Variants in S100A10 observed in about 807,000 individuals in gnomAD.
The protein encoded by S100A10 is protein S100-A10.
In S100A10, 3 loss-of-function variants were observed where a neutral mutation model predicts 7.1. That is an observed-to-expected ratio of 0.42 (90% CI 0.19 to 1.10). S100A10 has a LOEUF of 1.10. S100A10 is among the 50% of genes least tolerant of loss of function. The pLI is 0.29. For missense variants in S100A10, 101 were observed against 118.1 expected (o/e 0.86, Z 0.67); for synonymous variants, 41 against 39.3 (o/e 1.04, Z -0.16).
intron 1 of S100A10, among the ~76,000 whole-genome samples, chr1:151,986,599 T>A (rs1461378608): frequency 6.6e-6 from 1 of 152,230 alleles, no homozygotes; most frequent in Non-Finnish European, 1.5e-5. Flanking sequence ...CTCCTCAACA[T>A]CACTCAAATG....
chr1:151,990,075 A>G lies in S100A10; in HGVS notation c.-22+3677T>C, dbSNP rs543793102. The stretch of plus-strand genomic sequence containing the variant: ...TGTTATGTGCATAAATGAACCACAC[A>G]ATCCCTTGGGCAGTAGCTGAGGTGC... On this transcript the variant is annotated intron_variant, in intron 1 of 2. Transcript: ENST00000368811. Among the ~76,000 whole-genome samples the G allele has an allele frequency of 1.6e-4, 24 of 152,296 alleles. No individual in the cohort carries two copies. In the East Asian group the frequency reaches 4.4e-3, roughly 28 times the overall value.
chr1:151,990,553 A>C (rs963693020), intron 1 of S100A10, among the ~76,000 whole-genome samples: 1 of 152,344 alleles, frequency 6.6e-6, no homozygotes, highest in South Asian at 2.1e-4. Context: ...TTCTCTATGG[A>C]AAACAATTCT....
chr1:151,993,766 G>T lies in S100A10; in HGVS notation c.-36C>A. The T allele has an allele frequency of 6.4e-6, 1 of 155,368 alleles. No homozygotes were observed. Among genetic ancestry groups the T allele is most frequent in the South Asian group, 1.8e-4 (1 of 5,460 alleles). 9.6% of individuals were successfully genotyped at this position (155,368 alleles called of 1,614,324 possible). ...GCGGAGCTCACCTTGGCCGAGGCGC[G>T]GCGGACGCTGGGCGAGCTGGGCGAG... On this transcript the variant is annotated 5_prime_UTR_variant, in exon 1 of 3. Transcript: ENST00000368811. The surrounding 1 kb of genome is among the most constrained non-coding windows in gnomAD (Gnocchi z 5.1).
At chr1:151,991,284 T>C (rs1223597084) in intron 1 of S100A10, among the ~76,000 whole-genome samples, 7 of 152,210 alleles carry the variant, frequency 4.6e-5, no homozygotes, top group African/African-American at 1.7e-4. Flanking sequence ...TGGATCTGGA[T>C]CCAGGCTGTC....
Position 151,983,072 on chromosome 1 carries a change from A to G in S100A10, c.*91T>C, listed in dbSNP as rs1022041977. On this transcript the variant is annotated 3_prime_UTR_variant, in exon 3 of 3. Coordinates refer to ENST00000368811, the MANE Select transcript of S100A10 (RefSeq NM_002966.3). ...GCTAAGTGTCCTGATCTGCTCATGA[A>G]ATCCTTCTATGGGGGAAGCTGTGGG... 1.2e-6 allele frequency: 1 copy of G among 867,230 alleles called. No homozygotes were observed. The highest frequency in any genetic ancestry group is 1.7e-6 in the Non-Finnish European group (1 of 598,350). 53.7% of individuals were successfully genotyped at this position (867,230 alleles called of 1,614,324 possible). A position where few individuals can be genotyped will look rare whatever the true frequency, so the allele number is the denominator to read the frequency against.
intron 2 of S100A10, chr1:151,983,929 T>C (rs1379775313): frequency 7.1e-6 from 1 of 141,576 alleles, no homozygotes; most frequent in East Asian, 1.9e-4. Context: ...TGCCATCCTA[T>C]ACTCTTCACT....
At chr1:151,990,081 T>G (rs899723761) in intron 1 of S100A10, among the ~76,000 whole-genome samples, 1 of 152,210 alleles carries the variant, frequency 6.6e-6, no homozygotes, top group Non-Finnish European at 1.5e-5. Flanking sequence ...ACACAATCCC[T>G]TGGGCAGTAG....
At chr1:151,987,155 C>A (rs1180519983) in intron 1 of S100A10, among the ~76,000 whole-genome samples, 1 of 151,224 alleles carries the variant, frequency 6.6e-6, no homozygotes, top group African/African-American at 2.4e-5. Context: ...CAGGCGTCCG[C>A]CACCATGTCC....
At chr1:151,991,001 C>A (rs994730462) in intron 1 of S100A10, among the ~76,000 whole-genome samples, 1 of 152,134 alleles carries the variant, frequency 6.6e-6, no homozygotes, top group African/African-American at 2.4e-5. Context: ...TGGACCTATG[C>A]CCAGATCCCG....
Position 151,986,132 on chromosome 1 carries a change from T to A in S100A10, c.99A>T (p.Val33=), listed in dbSNP as rs575623059. The change falls in exon 2 of 3, where the codon GTA becomes GTT. Residue 33 remains valine, a synonymous_variant. Transcript: ENST00000368811. ...ATCCAGGGAACTCCTTTTCCATGAGTACTCTCAGGTCCTCCTTTGTTAAGT... is the reference window on the plus strand; with the variant it reads ...ATCCAGGGAACTCCTTTTCCATGAGAACTCTCAGGTCCTCCTTTGTTAAGT... ...KGYLTKEDLR[V]LMEKEFPGFL... is the part of the protein sequence containing the mutation. The A allele has an allele frequency of 1.0e-4, 167 of 1,603,778 alleles. No homozygotes were observed. The highest frequency in any genetic ancestry group is 9.0e-4 in the South Asian group (80 of 88,558).
chr1:151,988,620 C>T (rs1444694854), intron 1 of S100A10, among the ~76,000 whole-genome samples: 1 of 152,220 alleles, frequency 6.6e-6, no homozygotes, highest in Non-Finnish European at 1.5e-5. Flanking sequence ...CATGAGTCAT[C>T]TGAAAGGCAG....
intron 2 of S100A10, among the ~76,000 whole-genome samples, chr1:151,984,552 C>A (rs998332154): frequency 1.3e-5 from 2 of 152,172 alleles, no homozygotes; most frequent in African/African-American, 4.8e-5. Context: ...GAATAAATTA[C>A]CCTGCCATGG....
At chr1:151,989,882 T>C (rs1482002307) in intron 1 of S100A10, among the ~76,000 whole-genome samples, 1 of 152,196 alleles carries the variant, frequency 6.6e-6, no homozygotes, top group Non-Finnish European at 1.5e-5. Flanking sequence ...AGGAGGGCCT[T>C]GGGGCTGGGG....
intron 1 of S100A10, among the ~76,000 whole-genome samples, chr1:151,988,784 CAG>C (rs981227904): frequency 1.3e-5 from 2 of 152,116 alleles, no homozygotes; most frequent in Non-Finnish European, 2.9e-5. Context: ...AGTGGGCTTA[CAG>C]AGAGTCTGCC....
rs908670776 is a variant in S100A10, at chr1:151,993,580, C to T, written c.-22+172G>A. ...CGGGCCGGGGAGGGGCGCTGCTGGCCTCGTTTGGGTGTGGCCCGGAGCACT... is the reference window on the plus strand; with the variant it reads ...CGGGCCGGGGAGGGGCGCTGCTGGCTTCGTTTGGGTGTGGCCCGGAGCACT... On this transcript the variant is annotated intron_variant, in intron 1 of 2. Coordinates refer to ENST00000368811, the MANE Select transcript of S100A10 (RefSeq NM_002966.3). This position sits in a 1 kb window ranked among gnomAD's most constrained non-coding sequence, Gnocchi z 5.1. 6.6e-6 allele frequency among the ~76,000 whole-genome samples: 1 copy of T among 152,286 alleles called. No individual in the cohort carries two copies. The highest frequency in any genetic ancestry group is 2.4e-5 in the African/African-American group (1 of 41,564).
At chr1:151,989,725 G>A (rs979476222) in intron 1 of S100A10, among the ~76,000 whole-genome samples, 3 of 152,222 alleles carry the variant, frequency 2.0e-5, no homozygotes, top group Non-Finnish European at 4.4e-5. Flanking sequence ...GCTTGCCTGG[G>A]CAGGGCTGTC....
At chr1:151,992,804 G>C (rs1246611643) in intron 1 of S100A10, among the ~76,000 whole-genome samples, 2 of 152,180 alleles carry the variant, frequency 1.3e-5, no homozygotes, top group Non-Finnish European at 2.9e-5. Flanking sequence ...GCCTGGCTTG[G>C]AGCGCTCTGC....
Position 151,983,126 on chromosome 1 carries a change from A to T in S100A10, c.*37T>A, listed in dbSNP as rs370041581. ...GATTCCTTAAGCGACCCTTTGGGAC[A>T]ACTCTTATCAGGGAGGAGCGAACTG... On this transcript the variant is annotated 3_prime_UTR_variant, in exon 3 of 3. Coordinates refer to ENST00000368811, the MANE Select transcript of S100A10 (RefSeq NM_002966.3). The T allele has an allele frequency of 1.5e-5, 22 of 1,456,430 alleles. No homozygotes were observed. The African/African-American group carries it at 2.7e-4, about 18-fold the overall frequency. 90.2% of individuals were successfully genotyped at this position (1,456,430 alleles called of 1,614,324 possible).
Position 151,993,058 on chromosome 1 carries a change from G to A in S100A10, c.-22+694C>T, listed in dbSNP as rs1375688212. Among the ~76,000 whole-genome samples, 2 of 152,138 alleles carry A rather than the reference G, an allele frequency of 1.3e-5. No individual in the cohort carries two copies. The highest frequency in any genetic ancestry group is 3.8e-4 in the East Asian group (2 of 5,196). On this transcript the variant is annotated intron_variant, in intron 1 of 2. Coordinates refer to ENST00000368811, the MANE Select transcript of S100A10 (RefSeq NM_002966.3). This position sits in a 1 kb window ranked among gnomAD's most constrained non-coding sequence, Gnocchi z 5.1. ...ATCTCTTTCTGGTTCCACTTATTAA[G>A]ACAGCAAGGGAACCCTTTCAGTAGA...
Sources: allele counts gnomAD v4.1 joint callset (sites outside exome capture counted in the v4.1 genomes callset), GRCh38; gene constraint gnomAD v4.1.1; non-coding constraint Gnocchi (gnomAD v3.1); transcripts MANE v1.5; gene names NCBI Gene and HGNC (gene_info 2026-07-23, HGNC 2026-07-21).